Variants in SGCD observed in about 807,000 individuals in gnomAD.
SGCD encodes delta-sarcoglycan.
In SGCD, 18 loss-of-function variants were observed where a neutral mutation model predicts 36.6. The ratio of observed to expected loss-of-function variants is 0.49; its 90% confidence interval spans 0.34 to 0.73. The LOEUF is 0.73. Ranked by LOEUF, SGCD falls within the 30% of genes least tolerant of loss-of-function variation. The pLI is 0.01. For missense variants in SGCD, 387 were observed against 346.7 expected, an observed-to-expected ratio of 1.12 and a Z score of -0.92; for synonymous variants, 133 against 130.6, an observed-to-expected ratio of 1.02 and a Z score of -0.12.
At chr5:156,262,444 C>G (rs966849633) in intron 3 of SGCD, among the ~76,000 whole-genome samples, 1 of 152,128 alleles carries the variant, frequency 6.6e-6, no homozygotes, top group Admixed American at 6.6e-5. Context: ...TAAATTTGTA[C>G]AGGTGCACTC....
the SGCD span, among the ~76,000 whole-genome samples, chr5:155,819,799 C>T: frequency 6.6e-6 from 1 of 152,196 alleles, no homozygotes; most frequent in East Asian, 1.9e-4. Flanking sequence ...CTCCAGGGGA[C>T]ATGAGTACAA....
chr5:155,959,821 G>C (rs1757753997), intron 1 of SGCD, among the ~76,000 whole-genome samples: 1 of 151,984 alleles, frequency 6.6e-6, no homozygotes, highest in East Asian at 1.9e-4. Flanking sequence ...TCCTGGAAAG[G>C]TGAATTTATT....
chr5:156,439,377 T>C (rs1580994732), intron 3 of SGCD, among the ~76,000 whole-genome samples: 1 of 152,168 alleles, frequency 6.6e-6, no homozygotes, highest in South Asian at 2.1e-4. Flanking sequence ...TATTATTTAC[T>C]TGACGACTCC....
chr5:156,662,681 C>T (rs889286167), intron 7 of SGCD, among the ~76,000 whole-genome samples: 5 of 148,838 alleles, frequency 3.4e-5, no homozygotes, highest in Admixed American at 2.0e-4. Flanking sequence ...GGATCATGGC[C>T]GGAGAGGGCA....
At chr5:156,697,534 C>T (rs1429393009) in intron 7 of SGCD, among the ~76,000 whole-genome samples, 1 of 152,178 alleles carries the variant, frequency 6.6e-6, no homozygotes, top group African/African-American at 2.4e-5. Context: ...TAAACATGAG[C>T]TATTTCTGTG....
chr5:155,781,675 T>G, the SGCD span, among the ~76,000 whole-genome samples: 1 of 152,122 alleles, frequency 6.6e-6, no homozygotes. Flanking sequence ...TTTGCTATGT[T>G]GCCCAGGCTG....
chr5:155,998,607 G>A (rs1758602547), intron 1 of SGCD, among the ~76,000 whole-genome samples: 1 of 152,178 alleles, frequency 6.6e-6, no homozygotes. Context: ...TGTGGTATAG[G>A]TCTGTCTTGT....
At chr5:156,302,292 G>A (rs1767074621) in intron 3 of SGCD, among the ~76,000 whole-genome samples, 1 of 151,650 alleles carries the variant, frequency 6.6e-6, no homozygotes, top group African/African-American at 2.4e-5. Flanking sequence ...CAGTTCTGTT[G>A]TTGAGAGACT....
At chr5:156,116,352 A>G (rs115470966) in intron 1 of SGCD, among the ~76,000 whole-genome samples, 5,733 of 152,096 alleles carry the variant, frequency 0.038, 165 homozygotes, top group Middle Eastern at 0.058. Flanking sequence ...CTCTTATTAT[A>G]TATGTGGCCA....
chr5:156,022,089 T>A (rs1476565984), intron 1 of SGCD, among the ~76,000 whole-genome samples: 1 of 152,198 alleles, frequency 6.6e-6, no homozygotes, highest in African/African-American at 2.4e-5. Context: ...TCTACAGATT[T>A]GCCTATTTTG....
chr5:156,452,613 C>A (rs555662727), intron 3 of SGCD, among the ~76,000 whole-genome samples: 9 of 152,132 alleles, frequency 5.9e-5, no homozygotes, highest in Admixed American at 2.0e-4. Flanking sequence ...CTAATAGATG[C>A]ATGCCAAATG....
chr5:156,197,940 G>C (rs928957190), intron 3 of SGCD, among the ~76,000 whole-genome samples: 1 of 152,046 alleles, frequency 6.6e-6, no homozygotes, highest in African/African-American at 2.4e-5. Context: ...AATTAGCATA[G>C]AGGAGGGAGG....
chr5:156,431,431 T>G (rs964713606), intron 3 of SGCD, among the ~76,000 whole-genome samples: 4 of 152,148 alleles, frequency 2.6e-5, no homozygotes, highest in East Asian at 1.9e-4. Flanking sequence ...CAGCTTTGTC[T>G]GCAGTGGTGT....
At chr5:156,539,239 C>T (rs554682391) in intron 4 of SGCD, among the ~76,000 whole-genome samples, 1 of 151,950 alleles carries the variant, frequency 6.6e-6, no homozygotes, top group Non-Finnish European at 1.5e-5. Context: ...CACACACATA[C>T]ACACAAAATT....
intron 1 of SGCD, among the ~76,000 whole-genome samples, chr5:155,908,170 A>G (rs1756561644): frequency 1.3e-5 from 2 of 152,188 alleles, no homozygotes; most frequent in African/African-American, 2.4e-5. Context: ...TTATGTCCTT[A>G]GTAGACAACA....
At chr5:156,721,731 G>T (rs1213074585) in intron 7 of SGCD, among the ~76,000 whole-genome samples, 5 of 152,186 alleles carry the variant, frequency 3.3e-5, no homozygotes, top group African/African-American at 1.2e-4. Context: ...CAGAGTGTGA[G>T]CAAGGGCTGA....
chr5:156,530,594 T>C (rs60128166), intron 4 of SGCD, among the ~76,000 whole-genome samples: 35,389 of 151,506 alleles, frequency 0.23, 4,692 homozygotes, highest in Non-Finnish European at 0.31. Context: ...TCTTTTTTTT[T>C]CCTCAGATGG....
At chr5:156,592,036 G>A (rs1760741818) in intron 5 of SGCD, among the ~76,000 whole-genome samples, 1 of 152,122 alleles carries the variant, frequency 6.6e-6, no homozygotes, top group African/African-American at 2.4e-5. Context: ...TGTACTTTGT[G>A]TTCTCTGATT....
intron 1 of SGCD, among the ~76,000 whole-genome samples, chr5:156,005,762 T>C (rs909511240): frequency 3.3e-5 from 5 of 152,194 alleles, no homozygotes; most frequent in Non-Finnish European, 5.9e-5. Flanking sequence ...TTGTTTTGTT[T>C]TAATGTCAAG....
Sources: gnomAD v4.1 joint callset for allele counts (sites outside exome capture counted in the v4.1 genomes callset) on GRCh38, gnomAD v4.1.1 for gene constraint, MANE v1.5 for transcripts, NCBI Gene and HGNC (gene_info 2026-07-23, HGNC 2026-07-21) for gene names.